Variants in PLPP1 observed in about 807,000 individuals in gnomAD.
The protein encoded by PLPP1 is phospholipid phosphatase 1.
Under a neutral mutation model 31.2 loss-of-function variants are expected in PLPP1, and 24 were observed. That is an observed-to-expected ratio of 0.77 (90% CI 0.56 to 1.08). PLPP1 has a LOEUF of 1.08. Ranked by LOEUF, PLPP1 falls within the 50% of genes least tolerant of loss-of-function variation. PLPP1 has a pLI of 0.00. For synonymous variants in PLPP1, 146 were observed against 126.3 expected, an observed-to-expected ratio of 1.16 and a Z score of -1.05; for missense variants, 319 against 342.7, an observed-to-expected ratio of 0.93 and a Z score of 0.55.
In PLPP1 at chr5:55,468,311, T is replaced by C. The variant is rs984727292; in HGVS notation, c.211-162A>G. 11 of 613,566 alleles carry C rather than the reference T, an allele frequency of 1.8e-5. No homozygotes were observed. The African/African-American group carries it at 2.0e-4, about 11-fold the overall frequency. 38.0% of individuals were successfully genotyped at this position (613,566 alleles called of 1,614,324 possible). A position where few individuals can be genotyped will look rare whatever the true frequency, so the allele number is the denominator to read the frequency against. The stretch of plus-strand genomic sequence containing the variant: ...TTTACAATGGAGAGTCAACTTAGGA[T>C]ATCCAATTCTAAACCACAAAACAGG... On this transcript the variant is annotated intron_variant, in intron 2 of 5. Coordinates refer to ENST00000307259, the MANE Select transcript of PLPP1 (RefSeq NM_003711.4).
At chr5:55,442,500 A>G (rs1242602514) in intron 3 of PLPP1, among the ~76,000 whole-genome samples, 1 of 152,012 alleles carries the variant, frequency 6.6e-6, no homozygotes, top group African/African-American at 2.4e-5. Context: ...AAAAACACAA[A>G]AATTAGCCGG....
rs752663281 is a variant in PLPP1, at chr5:55,441,868, A to G, written c.532T>C (p.Cys178Arg). ...YSGHSSFSMY[C>R]MLFVALYLQA... is the part of the protein sequence containing the mutation. Reference sequence around the variant, plus strand: ...GTACTTACTGCCACAAACAGCATGCAGTACATGGAAAACGAAGAGTGGCCT... The same window carrying G: ...GTACTTACTGCCACAAACAGCATGCGGTACATGGAAAACGAAGAGTGGCCT... The change falls in exon 4 of 6, where the codon TGC becomes CGC. Residue 178 changes from cysteine to arginine, a missense_variant. Coordinates refer to ENST00000307259, the MANE Select transcript of PLPP1 (RefSeq NM_003711.4). The G allele has an allele frequency of 6.2e-7, 1 of 1,613,880 alleles. No individual in the cohort carries two copies. Among genetic ancestry groups the G allele is most frequent in the Non-Finnish European group, 8.5e-7 (1 of 1,179,712 alleles).
chr5:55,430,767 A>G (rs1751329857), intron 4 of PLPP1, among the ~76,000 whole-genome samples: 1 of 152,186 alleles, frequency 6.6e-6, no homozygotes, highest in Non-Finnish European at 1.5e-5. Context: ...TCAGAAAAAG[A>G]ATTCAAAATA....
At chr5:55,453,491 T>C in intron 3 of PLPP1, among the ~76,000 whole-genome samples, 1 of 152,192 alleles carries the variant, frequency 6.6e-6, no homozygotes, top group East Asian at 1.9e-4. Flanking sequence ...CAGAACTTAA[T>C]GCATCTTCCC....
chr5:55,457,701 C>G (rs557084950), intron 3 of PLPP1, among the ~76,000 whole-genome samples: 5 of 152,122 alleles, frequency 3.3e-5, no homozygotes, highest in Admixed American at 6.5e-5. Context: ...CCAGCCTGGC[C>G]AATATGGTGA....
intron 3 of PLPP1, among the ~76,000 whole-genome samples, chr5:55,462,394 T>G (rs924883152): frequency 5.3e-5 from 8 of 151,458 alleles, no homozygotes; most frequent in African/African-American, 1.7e-4. Flanking sequence ...TGTGAAAATG[T>G]TTTTTTTCGG....
chr5:55,488,920 T>A (rs1330729890), intron 1 of PLPP1, among the ~76,000 whole-genome samples: 3 of 152,050 alleles, frequency 2.0e-5, no homozygotes, highest in Non-Finnish European at 4.4e-5. Context: ...TTCCAGCTAC[T>A]TGAGAGGCTG....
At chr5:55,494,841 C>T (rs1412163439) in intron 1 of PLPP1, among the ~76,000 whole-genome samples, 2 of 151,946 alleles carry the variant, frequency 1.3e-5, no homozygotes, top group African/African-American at 4.8e-5. Flanking sequence ...AATTTATTGG[C>T]CAGGCGCAGT....
intron 1 of PLPP1, among the ~76,000 whole-genome samples, chr5:55,491,975 GACAA>G (rs1280715192): frequency 3.3e-5 from 2 of 59,908 alleles, no homozygotes; most frequent in Admixed American, 1.6e-4. Flanking sequence ...GTTTTCCAAA[GACAA>G]ACAAACACCC....
intron 1 of PLPP1, among the ~76,000 whole-genome samples, chr5:55,512,531 A>AG (rs1465318022): frequency 5.5e-5 from 2 of 36,324 alleles, no homozygotes; most frequent in African/African-American, 1.5e-4. Context: ...AAAGAAAGAA[A>AG]GAAAGAAAGA....
chr5:55,523,692 T>C (rs941844987), intron 1 of PLPP1, among the ~76,000 whole-genome samples: 2 of 152,236 alleles, frequency 1.3e-5, no homozygotes. Context: ...CATTGATACA[T>C]ACCATATTCC....
rs1250240461 is a variant in PLPP1 at position 55,530,222 on chromosome 5, A to G, written c.58+4350T>C. Reference sequence around the variant, plus strand: ...ATTGAGTTTCTTCATCTAGCTGAAGATTCACAAATTCTCCATAATCAAACT... The same window carrying G: ...ATTGAGTTTCTTCATCTAGCTGAAGGTTCACAAATTCTCCATAATCAAACT... On this transcript the variant is annotated intron_variant, in intron 1 of 5. Coordinates refer to ENST00000307259, the MANE Select transcript of PLPP1 (RefSeq NM_003711.4). 2.1e-6 allele frequency: 3 copies of G among 1,409,300 alleles called. No homozygotes were observed. In the Admixed American group the frequency reaches 5.0e-5, roughly 24 times the overall value. 87.3% of individuals were successfully genotyped at this position (1,409,300 alleles called of 1,614,324 possible).
chr5:55,432,815 AC>A (rs1177386111), intron 4 of PLPP1, among the ~76,000 whole-genome samples: 1 of 137,700 alleles, frequency 7.3e-6, no homozygotes, highest in African/African-American at 2.7e-5. Context: ...AAAAAAAAAA[AC>A]CTGTCCACAG....
chr5:55,437,852 TAATCAAGTTTGGAA>T (rs1751528834), intron 4 of PLPP1, among the ~76,000 whole-genome samples: 1 of 152,230 alleles, frequency 6.6e-6, no homozygotes, highest in African/African-American at 2.4e-5. Context: ...TGTTCAGCAA[TAATCAAGTTTGGAA>T]AACATCACGA....
chr5:55,448,319 A>T (rs1319906300), intron 3 of PLPP1, among the ~76,000 whole-genome samples: 2 of 152,224 alleles, frequency 1.3e-5, no homozygotes, highest in East Asian at 3.8e-4. Context: ...TGGTTTGGAA[A>T]TATCAATCAA....
chr5:55,517,076 A>T (rs1448065114), intron 1 of PLPP1, among the ~76,000 whole-genome samples: 3 of 152,166 alleles, frequency 2.0e-5, no homozygotes, highest in Non-Finnish European at 4.4e-5. Context: ...CAACTATAAC[A>T]CTTCTGCTAC....
At chr5:55,441,047 A>G (rs1751609562) in intron 4 of PLPP1, among the ~76,000 whole-genome samples, 1 of 152,214 alleles carries the variant, frequency 6.6e-6, no homozygotes, top group South Asian at 2.1e-4. Context: ...ACCCAAATAT[A>G]TAGTGTTTTA....
At chr5:55,428,015 G>A (rs1440678931) in intron 4 of PLPP1, among the ~76,000 whole-genome samples, 1 of 152,056 alleles carries the variant, frequency 6.6e-6, no homozygotes, top group Non-Finnish European at 1.5e-5. Context: ...TCAAACTCCT[G>A]ACCTCAGGTG....
intron 1 of PLPP1, among the ~76,000 whole-genome samples, chr5:55,493,627 T>C (rs1752943110): frequency 6.6e-6 from 1 of 151,972 alleles, no homozygotes; most frequent in African/African-American, 2.4e-5. Context: ...GTGGCTCATG[T>C]TTCTAATCCC....
Sources: gnomAD v4.1 joint callset for allele counts (sites outside exome capture counted in the v4.1 genomes callset) on GRCh38, gnomAD v4.1.1 for gene constraint, MANE v1.5 for transcripts, NCBI Gene and HGNC (gene_info 2026-07-23, HGNC 2026-07-21) for gene names.